The following PAX3 variants were observed in gnomAD, a reference collection of about 807,000 sequenced individuals.
PAX3 encodes paired box 3.
PAX3 carries 14 observed loss-of-function variants against 51.6 expected under a neutral mutation model. The ratio of observed to expected loss-of-function variants is 0.27; its 90% CI spans 0.18 to 0.42. PAX3 has a LOEUF of 0.42. Ranked by LOEUF, PAX3 falls within the 10% of genes least tolerant of loss-of-function variation. The pLI, the probability that PAX3 is intolerant of heterozygous loss-of-function variation, is 1.00. For missense variants in PAX3, 540 were observed against 642.8 expected (o/e 0.84, Z 1.73); for synonymous variants, 280 against 253.4 (o/e 1.11, Z -1.00).
chr2:222,276,010 A>G (rs866449019), intron 4 of PAX3, among the ~76,000 whole-genome samples: 9 of 152,208 alleles, frequency 5.9e-5, no homozygotes, highest in African/African-American at 2.2e-4. Context: ...TGAATTCACT[A>G]TTGTCTGAGT....
chr2:222,219,064 C>T (rs866002524), intron 7 of PAX3, among the ~76,000 whole-genome samples: 2 of 152,114 alleles, frequency 1.3e-5, no homozygotes, highest in African/African-American at 2.4e-5. Flanking sequence ...ATATACGAGT[C>T]GTTATTTTGG....
intron 5 of PAX3, among the ~76,000 whole-genome samples, chr2:222,230,048 C>T (rs1001543093): frequency 5.3e-5 from 8 of 151,994 alleles, no homozygotes; most frequent in African/African-American, 1.7e-4. Flanking sequence ...TAGTGGCATG[C>T]ACCTGTAGCC....
intron 4 of PAX3, among the ~76,000 whole-genome samples, chr2:222,287,849 T>C (rs1198972722): frequency 6.6e-6 from 1 of 151,958 alleles, no homozygotes; most frequent in Non-Finnish European, 1.5e-5. Flanking sequence ...TGCTCAAGAG[T>C]GAACAAGAGT....
intron 4 of PAX3, chr2:222,263,402 T>G (rs1478425210): frequency 6.6e-6 from 1 of 152,104 alleles, no homozygotes; most frequent in African/African-American, 2.4e-5. Context: ...AAAAATGAAT[T>G]AAAACATTTA....
chr2:222,288,652 A>T (rs369358785), intron 4 of PAX3, among the ~76,000 whole-genome samples: 2 of 152,306 alleles, frequency 1.3e-5, no homozygotes, highest in African/African-American at 4.8e-5. Flanking sequence ...GCTTTCTGCC[A>T]CACCCCCCCA....
Position 222,201,352 on chromosome 2 carries a change from T to C in PAX3, c.*56A>G. 1 of 1,612,506 alleles carries C rather than the reference T, an allele frequency of 6.2e-7. No individual in the cohort carries two copies. Among genetic ancestry groups the C allele is most frequent in the Non-Finnish European group, 8.5e-7 (1 of 1,179,830 alleles). On this transcript the variant is annotated 3_prime_UTR_variant, in exon 9 of 9. Coordinates refer to ENST00000392070, the MANE Select transcript of PAX3 (RefSeq NM_181458.4). ...TTGTTTTCAGAGCAGATTCTTCATA[T>C]CTAGGCTGCGAAGACCAGAAACAGG... is the stretch of plus-strand genomic sequence containing the variant.
chr2:222,270,407 G>A (rs1214626629), intron 4 of PAX3, among the ~76,000 whole-genome samples: 1 of 152,176 alleles, frequency 6.6e-6, no homozygotes, highest in Non-Finnish European at 1.5e-5. Flanking sequence ...GGAGGTCCTT[G>A]TTCAGATGTT....
At chr2:222,297,315 A>G in intron 1 of PAX3, 102 bp from the exon 2 acceptor site, 1 of 858,522 alleles carries the variant, frequency 1.2e-6, no homozygotes, top group Non-Finnish European at 1.9e-6. Flanking sequence ...TCCTATCCTC[A>G]TGTTACAGCA....
intron 4 of PAX3, among the ~76,000 whole-genome samples, chr2:222,265,721 AC>A (rs968260757): frequency 1.9e-4 from 28 of 150,634 alleles, no homozygotes; most frequent in African/African-American, 6.6e-4. Flanking sequence ...TTTTCCTCTA[AC>A]CTTTTCAGGA....
At position 222,232,271 on chromosome 2, in the gene PAX3, T is replaced by C. The variant is rs2106095325; in HGVS notation, c.599A>G (p.Gln200Arg). The C allele has an allele frequency of 6.2e-7, 1 of 1,613,630 alleles. No homozygotes were observed. Among genetic ancestry groups the C allele is most frequent in the Non-Finnish European group, 8.5e-7 (1 of 1,179,578 alleles). ...GILSERASAP[Q>R]SDEGSDIDSE... ...GTCAATATCAGAGCCTTCATCTGAT[T>C]GGGGTGCTGAGGCTAAAAGCACAGA... Residue 200 changes from glutamine (Q) to arginine (R), a missense_variant, in exon 5 of 9, where the codon CAA (glutamine) becomes CGA (arginine). Gln to Arg is a conservative substitution (Grantham distance 43). This residue lies in a region of PAX3 where 427 missense variants were observed against 483.6 expected (regional missense o/e 0.88). Transcript: ENST00000392070.
chr2:222,274,209 A>AATAG (rs1159942626), intron 4 of PAX3, among the ~76,000 whole-genome samples: 2 of 152,172 alleles, frequency 1.3e-5, no homozygotes, highest in African/African-American at 2.4e-5. Context: ...CAGAGTCTCT[A>AATAG]AGCCCTGTTA....
chr2:222,274,298 G>A (rs1436923832), intron 4 of PAX3, among the ~76,000 whole-genome samples: 1 of 151,660 alleles, frequency 6.6e-6, no homozygotes, highest in Non-Finnish European at 1.5e-5. Flanking sequence ...TTTCATTTTA[G>A]CATTTGTTGA....
At chr2:222,205,241 A>G (rs1182734439) in intron 7 of PAX3, among the ~76,000 whole-genome samples, 1 of 152,198 alleles carries the variant, frequency 6.6e-6, no homozygotes, top group East Asian at 1.9e-4. Flanking sequence ...GGCAATAGAA[A>G]GATAGTTCCT....
At chr2:222,262,278 C>T (rs1194005617) in intron 4 of PAX3, among the ~76,000 whole-genome samples, 1 of 152,060 alleles carries the variant, frequency 6.6e-6, no homozygotes, top group African/African-American at 2.4e-5. Flanking sequence ...AGGGATTATT[C>T]CCTATTTGGA....
At chr2:222,233,077 T>C (rs1299810079) in intron 4 of PAX3, 1 of 13,312 alleles carries the variant, frequency 7.5e-5, no homozygotes, top group Non-Finnish European at 1.2e-4. Context: ...AGAAAGCCAA[T>C]GCAAAAAAAA....
chr2:222,274,543 A>T (rs545536134), intron 4 of PAX3, among the ~76,000 whole-genome samples: 4 of 150,786 alleles, frequency 2.7e-5, no homozygotes, highest in East Asian at 1.9e-4. Flanking sequence ...TTTTTTTTTT[A>T]AAGTCTGCTT....
At chr2:222,273,638 A>G (rs1694324885) in intron 4 of PAX3, among the ~76,000 whole-genome samples, 1 of 152,222 alleles carries the variant, frequency 6.6e-6, no homozygotes, top group African/African-American at 2.4e-5. Flanking sequence ...CTCCTGATCC[A>G]TCCTAGCTTT....
At chr2:222,221,125 T>A (rs1574647619) in intron 6 of PAX3, 97 bp downstream of exon 6, 2 of 1,117,716 alleles carry the variant, frequency 1.8e-6, no homozygotes, top group Admixed American at 1.7e-5. Flanking sequence ...ATTAACAACA[T>A]GGTGTCAGTA....
chr2:222,252,560 C>A (rs1162306425), intron 4 of PAX3, among the ~76,000 whole-genome samples: 1 of 152,184 alleles, frequency 6.6e-6, no homozygotes, highest in Admixed American at 6.5e-5. Context: ...CAAAGCCCAT[C>A]ATCACTATCA....
Sources: allele counts gnomAD v4.1 joint callset (sites outside exome capture counted in the v4.1 genomes callset), GRCh38; gene constraint gnomAD v4.1.1; regional missense constraint gnomAD v4.1.1; transcripts MANE v1.5; gene names NCBI Gene and HGNC (gene_info 2026-07-23, HGNC 2026-07-21).